The following CLCN4 variants were observed in gnomAD, a reference collection of about 807,000 sequenced individuals.
CLCN4 encodes Cl-/H+ antiporter 4.
CLCN4 carries 1 observed loss-of-function variant against 41.7 expected under a neutral mutation model. The ratio of observed to expected loss-of-function variants is 0.02; its 90% CI spans 0.01 to 0.11. CLCN4 has a LOEUF of 0.11. Among genes scored for constraint, CLCN4 ranks in the 10% least tolerant of loss-of-function variants. The pLI is 1.00. For missense variants in CLCN4, 287 were observed against 661.0 expected, an observed-to-expected ratio of 0.43 and a Z score of 6.20; for synonymous variants, 277 against 285.8, an observed-to-expected ratio of 0.97 and a Z score of 0.31.
intron 2 of CLCN4, among the ~76,000 whole-genome samples, chrX:10,165,377 C>T (rs375579605): frequency 2.7e-5 from 3 of 112,610 alleles, no homozygotes; most frequent in Non-Finnish European, 3.8e-5. Context: ...GCCCTGGGGA[C>T]GACACATGGG....
chrX:10,225,862 A>C (rs1429280219), intron 12 of CLCN4, among the ~76,000 whole-genome samples: 1 of 111,735 alleles, frequency 8.9e-6, no homozygotes, highest in African/African-American at 3.3e-5. Flanking sequence ...TCCTTTCCCC[A>C]TTGATTGTTA....
intron 4 of CLCN4, 51 bp downstream of exon 4, chrX:10,187,665 C>T (rs1000813985): frequency 1.1e-6 from 1 of 943,221 alleles, no homozygotes; most frequent in Non-Finnish European, 1.5e-6. Context: ...GAGGCCGAAA[C>T]CTCAAAACAC....
intron 2 of CLCN4, among the ~76,000 whole-genome samples, chrX:10,163,131 C>G (rs1410077962): frequency 8.8e-6 from 1 of 113,571 alleles, no homozygotes; most frequent in Non-Finnish European, 1.9e-5. Context: ...GCCAGAGGCC[C>G]CAGCCACTTT....
At chrX:10,198,257 C>T (rs994573134) in intron 6 of CLCN4, among the ~76,000 whole-genome samples, 196 bp downstream of exon 6, 7 of 112,250 alleles carry the variant, frequency 6.2e-5, no homozygotes, top group Admixed American at 9.4e-5. Context: ...AAGTGACTTG[C>T]CCCAGGTAAC....
At chrX:10,200,562 T>C (rs1924214213) in intron 6 of CLCN4, among the ~76,000 whole-genome samples, 1 of 112,543 alleles carries the variant, frequency 8.9e-6, no homozygotes, top group Admixed American at 9.4e-5. Flanking sequence ...GGTGTCCTTA[T>C]AGACAGGGAG....
rs61318398 is a variant in CLCN4, at chrX:10,206,906, G to GTTTTGTTTTTGTTTTTGT, written c.843+141_843+158dup. On this transcript the variant is annotated intron_variant, in intron 8 of 12. Coordinates refer to ENST00000380833, the MANE Select transcript of CLCN4 (RefSeq NM_001830.4). ...CCACAATTTCCACTGTTTTTTTTTT[G>GTTTTGTTTTTGTTTTTGT]TTTTGTTTTTGTTTTTGTTTTTGTT... The GTTTTGTTTTTGTTTTTGT allele has an allele frequency of 9.7e-4, 422 of 436,817 alleles. 1 individual carries two copies. In the African/African-American group the frequency reaches 0.01, roughly 10 times the overall value. The allele number at this position is 436,817 out of a possible 1,213,427, so 36.0% of individuals were successfully genotyped here.
rs142700997 is a variant in CLCN4, at chrX:10,166,872, G to A, written c.-12+8321G>A. 4.5e-3 allele frequency among the ~76,000 whole-genome samples: 506 copies of A among 111,649 alleles called. 4 individuals are homozygous for A. Among genetic ancestry groups the A allele is most frequent in the African/African-American group, 0.015 (475 of 30,725 alleles). On this transcript the variant is annotated intron_variant, in intron 2 of 12. Transcript: ENST00000380833. ...GAACACTGAGGCCATTGTGTCACCCGAGGCCACATGTGGTTGGCCTCATCC... is the reference window on the plus strand; with the variant it reads ...GAACACTGAGGCCATTGTGTCACCCAAGGCCACATGTGGTTGGCCTCATCC...
intron 2 of CLCN4, among the ~76,000 whole-genome samples, chrX:10,160,670 G>C (rs960190993): frequency 7.2e-5 from 8 of 111,740 alleles, no homozygotes; most frequent in African/African-American, 2.6e-4. Context: ...CGAGAGGGTG[G>C]TAATGTCTAT....
chrX:10,185,704 G>GC (rs1438413447), intron 3 of CLCN4, among the ~76,000 whole-genome samples: 161 of 111,392 alleles, frequency 1.4e-3, no homozygotes, highest in Non-Finnish European at 2.6e-3. Flanking sequence ...CATCAGGAAT[G>GC]CCCCCCTTTT....
chrX:10,212,949 A>G (rs1458326311), intron 10 of CLCN4, among the ~76,000 whole-genome samples: 1 of 111,767 alleles, frequency 8.9e-6, no homozygotes, highest in Non-Finnish European at 1.9e-5. Context: ...CATTGAATAC[A>G]CCTAACCTAC....
intron 2 of CLCN4, among the ~76,000 whole-genome samples, chrX:10,167,029 A>G (rs1297372842): frequency 3.5e-5 from 4 of 112,815 alleles, no homozygotes; most frequent in Non-Finnish European, 7.5e-5. Flanking sequence ...GAAGGAACAC[A>G]GGGAGTGCTG....
chrX:10,170,721 C>T (rs1923365947), intron 2 of CLCN4, among the ~76,000 whole-genome samples: 1 of 111,803 alleles, frequency 8.9e-6, no homozygotes, highest in African/African-American at 3.3e-5. Flanking sequence ...GCTGAAGAAC[C>T]ACTGGTTTAG....
At chrX:10,191,973 T>C (rs1367564645) in intron 4 of CLCN4, among the ~76,000 whole-genome samples, 1 of 111,324 alleles carries the variant, frequency 9.0e-6, no homozygotes, top group African/African-American at 3.3e-5. Flanking sequence ...TGCCGTGTAG[T>C]AGGTACATGT....
chrX:10,165,570 C>T (rs776644302), intron 2 of CLCN4, among the ~76,000 whole-genome samples: 1 of 112,065 alleles, frequency 8.9e-6, no homozygotes, highest in South Asian at 3.8e-4. Flanking sequence ...GCTGGGCCTG[C>T]GGCTCCTCTC....
At chrX:10,195,733 G>A (rs925025768) in intron 5 of CLCN4, among the ~76,000 whole-genome samples, 1 of 112,413 alleles carries the variant, frequency 8.9e-6, no homozygotes, top group Non-Finnish European at 1.9e-5. Context: ...TCATGTAAAT[G>A]AAATCATACA....
chrX:10,177,970 C>T (rs182566962), intron 2 of CLCN4, among the ~76,000 whole-genome samples: 5 of 112,177 alleles, frequency 4.5e-5, no homozygotes, highest in East Asian at 2.8e-4. Context: ...AGCACTGATA[C>T]GCACCACAGC....
Position 10,233,726 on chromosome X carries a change from T to G in CLCN4, c.*142T>G. The stretch of plus-strand genomic sequence containing the variant: ...TTTTTGGAAAGGCGGGGAAGAAGGA[T>G]GAAACCTTTAAAAACAAAAACAAAA... On this transcript the variant is annotated 3_prime_UTR_variant, in exon 13 of 13. Coordinates refer to ENST00000380833, the MANE Select transcript of CLCN4 (RefSeq NM_001830.4). 2.0e-6 allele frequency: 1 copy of G among 490,115 alleles called. No individual in the cohort carries two copies. Among genetic ancestry groups the G allele is most frequent in the African/African-American group, 2.4e-5 (1 of 41,753 alleles). 40.4% of individuals were successfully genotyped at this position (490,115 alleles called of 1,213,427 possible).
At chrX:10,189,502 C>G (rs1923899651) in intron 4 of CLCN4, among the ~76,000 whole-genome samples, 1 of 112,186 alleles carries the variant, frequency 8.9e-6, no homozygotes, top group Non-Finnish European at 1.9e-5. Flanking sequence ...GTGAGCACCA[C>G]TGGCCAAAGG....
intron 2 of CLCN4, among the ~76,000 whole-genome samples, chrX:10,163,596 G>A (rs1309115084): frequency 9.1e-6 from 1 of 110,466 alleles, no homozygotes; most frequent in Non-Finnish European, 1.9e-5. Context: ...TAGTAGAGAC[G>A]AGTTTCACCA....
Sources: allele counts gnomAD v4.1 joint callset (sites outside exome capture counted in the v4.1 genomes callset), GRCh38; gene constraint gnomAD v4.1.1; transcripts MANE v1.5; gene names NCBI Gene and HGNC (gene_info 2026-07-23, HGNC 2026-07-21).